PRKCB: variants seen among roughly 807,000 people sequenced by gnomAD.
The protein encoded by PRKCB is protein kinase C beta.
A neutral mutation model predicts 81.5 loss-of-function variants in PRKCB; 13 were observed. The observed-to-expected ratio is 0.16, with a 90% CI of 0.10 to 0.25. The LOEUF (loss-of-function observed/expected upper bound fraction) is 0.25. Ranked by LOEUF, PRKCB falls within the 10% of genes least tolerant of loss-of-function variation. PRKCB has a pLI of 1.00. For missense variants in PRKCB, 509 were observed against 875.7 expected (o/e 0.58, Z 5.29); for synonymous variants, 335 against 321.4 (o/e 1.04, Z -0.45).
chr16:24,111,235 T>A (rs962921634), intron 7 of PRKCB: 3 of 152,226 alleles, frequency 2.0e-5, no homozygotes, highest in African/African-American at 4.8e-5. Flanking sequence ...AATTGTCTTC[T>A]CTGCTTTGAA....
intron 10 of PRKCB, among the ~76,000 whole-genome samples, chr16:24,167,224 A>G (rs1295371935): frequency 2.6e-5 from 4 of 151,532 alleles, no homozygotes; most frequent in African/African-American, 9.7e-5. Flanking sequence ...ACCAACTTGT[A>G]TGTGACCTTT....
chr16:23,989,881 T>C (rs966371759), intron 3 of PRKCB, among the ~76,000 whole-genome samples: 2 of 152,178 alleles, frequency 1.3e-5, no homozygotes, highest in African/African-American at 4.8e-5. Flanking sequence ...GACCCAATCC[T>C]GCTAATGGGA....
In PRKCB at chr16:23,874,286, A is replaced by G. The variant is rs186664753; in HGVS notation, c.205+36880A>G. ...TCCACCTAGTCCGTGTGCCTTATAA[A>G]ACACAAATTCTGAAATCCCATGTAA... On this transcript the variant is annotated intron_variant, in intron 2 of 16. Coordinates refer to ENST00000643927, the MANE Select transcript of PRKCB (RefSeq NM_002738.7). Among the ~76,000 whole-genome samples the G allele has an allele frequency of 3.3e-5, 5 of 152,308 alleles. No individual in the cohort carries two copies. The East Asian group carries it at 5.8e-4, about 18-fold the overall frequency.
At chr16:23,935,655 A>G (rs774831295) in intron 2 of PRKCB, among the ~76,000 whole-genome samples, 23 of 152,258 alleles carry the variant, frequency 1.5e-4, no homozygotes, top group Non-Finnish European at 3.1e-4. Flanking sequence ...AAGATATGGA[A>G]TCAACCCAGG....
intron 2 of PRKCB, among the ~76,000 whole-genome samples, chr16:23,922,679 C>G (rs1272381531): frequency 1.3e-5 from 2 of 152,194 alleles, no homozygotes; most frequent in Non-Finnish European, 2.9e-5. Context: ...TAAATGACAC[C>G]TTTGCTTTGA....
At chr16:23,932,623 T>A (rs1007519591) in intron 2 of PRKCB, among the ~76,000 whole-genome samples, 3 of 152,188 alleles carry the variant, frequency 2.0e-5, no homozygotes, top group Non-Finnish European at 4.4e-5. Flanking sequence ...ATCTCAGGAA[T>A]CATGCAATGT....
chr16:24,053,908 T>C (rs1242407932), intron 5 of PRKCB, among the ~76,000 whole-genome samples: 5 of 152,200 alleles, frequency 3.3e-5, no homozygotes, highest in African/African-American at 4.8e-5. Context: ...AGGGAATTTG[T>C]CTTTTCTCTT....
intron 8 of PRKCB, among the ~76,000 whole-genome samples, chr16:24,113,981 C>T (rs1452765358): frequency 6.6e-6 from 1 of 151,818 alleles, no homozygotes; most frequent in African/African-American, 2.4e-5. Flanking sequence ...CTTTGGGAAG[C>T]TGAAGCAGGC....
chr16:23,952,848 T>TG (rs1964301078), intron 2 of PRKCB, among the ~76,000 whole-genome samples: 1 of 152,202 alleles, frequency 6.6e-6, no homozygotes, highest in Non-Finnish European at 1.5e-5. Flanking sequence ...ATCTGGATGA[T>TG]GGAGGGAAGC....
intron 5 of PRKCB, among the ~76,000 whole-genome samples, chr16:24,076,145 T>C: frequency 6.6e-6 from 1 of 152,160 alleles, no homozygotes; most frequent in East Asian, 1.9e-4. Flanking sequence ...GCCACACCCT[T>C]TGAGAACCAC....
chr16:23,960,773 C>T (rs1264172812), intron 2 of PRKCB, among the ~76,000 whole-genome samples: 2 of 152,220 alleles, frequency 1.3e-5, no homozygotes, highest in Non-Finnish European at 2.9e-5. Context: ...GTCTTACTTC[C>T]CCACTCCCTA....
chr16:23,914,510 C>T (rs545641125), intron 2 of PRKCB, among the ~76,000 whole-genome samples: 2 of 152,272 alleles, frequency 1.3e-5, no homozygotes, highest in Admixed American at 1.3e-4. Context: ...AGATTGTGGG[C>T]TCTGGAGTGA....
chr16:23,936,501 C>T (rs535722452), intron 2 of PRKCB, among the ~76,000 whole-genome samples: 33 of 152,024 alleles, frequency 2.2e-4, no homozygotes, highest in African/African-American at 7.5e-4. Context: ...CAACCTCTGC[C>T]TCCCAGGCTT....
intron 2 of PRKCB, among the ~76,000 whole-genome samples, chr16:23,947,743 G>A (rs1253306091): frequency 6.6e-6 from 1 of 152,100 alleles, no homozygotes; most frequent in African/African-American, 2.4e-5. Context: ...AAGAATGATT[G>A]GGGCACAGGA....
chr16:23,953,043 T>C (rs918542578), intron 2 of PRKCB, among the ~76,000 whole-genome samples: 1 of 152,192 alleles, frequency 6.6e-6, no homozygotes, highest in African/African-American at 2.4e-5. Context: ...TCCTAGAGCA[T>C]TCTCCATGCA....
intron 16 of PRKCB, among the ~76,000 whole-genome samples, chr16:24,199,120 C>T (rs1005789692): frequency 6.6e-5 from 10 of 152,200 alleles, no homozygotes; most frequent in African/African-American, 2.4e-4. Context: ...TGCAAAGGTC[C>T]TTGTCCTATG....
At chr16:24,063,347 T>A (rs1467816296) in intron 5 of PRKCB, among the ~76,000 whole-genome samples, 1 of 151,040 alleles carries the variant, frequency 6.6e-6, no homozygotes, top group Non-Finnish European at 1.5e-5. Context: ...CAGGCTGGAG[T>A]GCAGTGGCAT....
intron 2 of PRKCB, among the ~76,000 whole-genome samples, chr16:23,918,619 A>C (rs769225736): frequency 6.6e-6 from 1 of 151,860 alleles, no homozygotes; most frequent in Non-Finnish European, 1.5e-5. Context: ...CTGGTCTCGA[A>C]CTCCTGGGCT....
chr16:24,045,368 G>A (rs984239584), intron 5 of PRKCB, among the ~76,000 whole-genome samples: 1 of 152,076 alleles, frequency 6.6e-6, no homozygotes, highest in Non-Finnish European at 1.5e-5. Flanking sequence ...CCTGTTCTCC[G>A]AGTTTCATGG....
Sources: allele counts gnomAD v4.1 joint callset (sites outside exome capture counted in the v4.1 genomes callset), GRCh38; gene constraint gnomAD v4.1.1; transcripts MANE v1.5; gene names NCBI Gene and HGNC (gene_info 2026-07-23, HGNC 2026-07-21).